CACNB2: variants seen among roughly 807,000 people sequenced by gnomAD.
The protein encoded by CACNB2 is voltage-dependent L-type calcium channel subunit beta-2.
CACNB2 carries 42 observed loss-of-function variants against 73.3 expected under a neutral mutation model. The observed-to-expected ratio is 0.57, with a 90% CI of 0.45 to 0.74. The LOEUF (loss-of-function observed/expected upper bound fraction) is 0.74. Among genes scored for constraint, CACNB2 ranks in the 30% least tolerant of loss-of-function variants. CACNB2 has a pLI of 0.00. For missense variants in CACNB2, 940 were observed against 853.0 expected, an observed-to-expected ratio of 1.10 and a Z score of -1.27; for synonymous variants, 348 against 310.3, an observed-to-expected ratio of 1.12 and a Z score of -1.28.
At chr10:18,193,302 A>G (rs2034488595) in intron 2 of CACNB2, among the ~76,000 whole-genome samples, 1 of 150,214 alleles carries the variant, frequency 6.7e-6, no homozygotes, top group South Asian at 2.1e-4. Flanking sequence ...GAATCATTAT[A>G]CATTTTCCCC....
intron 2 of CACNB2, among the ~76,000 whole-genome samples, chr10:18,277,708 A>G (rs891012373): frequency 6.6e-6 from 1 of 152,240 alleles, no homozygotes; most frequent in African/African-American, 2.4e-5. Context: ...ATCAATATTT[A>G]TTTAATGCCT....
rs372698667 is a variant in CACNB2 at position 18,514,545 on chromosome 10, A to G, written c.804+176A>G. 78 of 1,613,580 alleles carry G rather than the reference A, an allele frequency of 4.8e-5. No individual in the cohort carries two copies. Among genetic ancestry groups the G allele is most frequent in the Non-Finnish European group, 6.4e-5 (75 of 1,179,662 alleles). On this transcript the variant is annotated intron_variant, in intron 7 of 13. Coordinates refer to ENST00000324631, the MANE Select transcript of CACNB2 (RefSeq NM_201596.3). ...AGCAGAAATCGGTAAGTTTACATTGACATAAGCTGTGTTTATCCTGCCACT... is the reference window on the plus strand; with the variant it reads ...AGCAGAAATCGGTAAGTTTACATTGGCATAAGCTGTGTTTATCCTGCCACT...
intron 3 of CACNB2, among the ~76,000 whole-genome samples, chr10:18,432,458 G>C (rs866049252): frequency 0.063 from 9,459 of 148,984 alleles, 986 homozygotes; most frequent in African/African-American, 0.22. Context: ...CTCTGTGTGT[G>C]TGTGTGTGTG....
At chr10:18,365,423 G>T (rs909743322) in intron 2 of CACNB2, among the ~76,000 whole-genome samples, 1 of 152,076 alleles carries the variant, frequency 6.6e-6, no homozygotes, top group Non-Finnish European at 1.5e-5. Context: ...AAATAAAAGC[G>T]ATTTGGACTC....
At chr10:18,490,170 G>A (rs537273160) in intron 3 of CACNB2, among the ~76,000 whole-genome samples, 1 of 152,144 alleles carries the variant, frequency 6.6e-6, no homozygotes, top group Non-Finnish European at 1.5e-5. Flanking sequence ...CAAACTTGGT[G>A]TTTTTAAAGC....
chr10:18,404,578 T>G (rs1294177512), intron 3 of CACNB2, among the ~76,000 whole-genome samples: 2 of 152,198 alleles, frequency 1.3e-5, no homozygotes, highest in Non-Finnish European at 2.9e-5. Context: ...GAAGCATCTC[T>G]CAAACAGAAA....
At chr10:18,432,450 CTG>C (rs57188373) in intron 3 of CACNB2, among the ~76,000 whole-genome samples, 26,208 of 150,496 alleles carry the variant, frequency 0.17, 2,589 homozygotes, top group East Asian at 0.31. Flanking sequence ...GTGTGTGTCT[CTG>C]TGTGTGTGTG....
chr10:18,221,740 C>T (rs2035800703), intron 2 of CACNB2, among the ~76,000 whole-genome samples: 1 of 152,126 alleles, frequency 6.6e-6, no homozygotes, highest in Non-Finnish European at 1.5e-5. Flanking sequence ...TTTTAAAAGA[C>T]CTTTATAAAT....
intron 2 of CACNB2, among the ~76,000 whole-genome samples, chr10:18,174,831 A>G (rs965297819): frequency 2.0e-5 from 3 of 152,150 alleles, no homozygotes; most frequent in African/African-American, 7.2e-5. Context: ...TTTCTAGAGT[A>G]TTACCTTTAC....
chr10:18,458,630 G>A (rs1564571861), intron 3 of CACNB2, among the ~76,000 whole-genome samples: 1 of 151,906 alleles, frequency 6.6e-6, no homozygotes, highest in Non-Finnish European at 1.5e-5. Context: ...GGTCCCAAAG[G>A]ATATAAATAA....
chr10:18,447,646 C>A (rs971519255), intron 3 of CACNB2, among the ~76,000 whole-genome samples: 1 of 151,074 alleles, frequency 6.6e-6, no homozygotes, highest in East Asian at 1.9e-4. Flanking sequence ...TGATCACTGG[C>A]TTTGGAAAGA....
intron 2 of CACNB2, among the ~76,000 whole-genome samples, chr10:18,234,839 G>A (rs79988604): frequency 4.3e-4 from 66 of 152,254 alleles, no homozygotes; most frequent in African/African-American, 1.4e-3. Flanking sequence ...CCACTGAGCT[G>A]CACACTTAAA....
chr10:18,326,709 A>T (rs562780293), intron 2 of CACNB2, among the ~76,000 whole-genome samples: 1 of 152,166 alleles, frequency 6.6e-6, no homozygotes, highest in African/African-American at 2.4e-5. Context: ...ATGCTCCTTC[A>T]TGTTAATTCA....
At chr10:18,205,093 A>C (rs1422750527) in intron 2 of CACNB2, among the ~76,000 whole-genome samples, 1 of 152,164 alleles carries the variant, frequency 6.6e-6, no homozygotes, top group Non-Finnish European at 1.5e-5. Context: ...TTTTAAAAAA[A>C]AATTCTTAAG....
chr10:18,264,322 CA>C (rs1478407334), intron 2 of CACNB2, among the ~76,000 whole-genome samples: 1 of 152,188 alleles, frequency 6.6e-6, no homozygotes. Flanking sequence ...GTGTCACAAA[CA>C]ATCCAATTAT....
chr10:18,517,543 CATATT>C (rs1236729019), intron 7 of CACNB2, among the ~76,000 whole-genome samples: 3 of 152,250 alleles, frequency 2.0e-5, no homozygotes, highest in Non-Finnish European at 4.4e-5. Flanking sequence ...TTTTGAGAAT[CATATT>C]AGATATGCAC....
intron 2 of CACNB2, among the ~76,000 whole-genome samples, chr10:18,191,419 C>T (rs996651326): frequency 6.6e-6 from 1 of 152,142 alleles, no homozygotes; most frequent in African/African-American, 2.4e-5. Flanking sequence ...GATCAAAACA[C>T]CTGTACATCT....
intron 2 of CACNB2, among the ~76,000 whole-genome samples, chr10:18,205,123 A>G (rs1332188448): frequency 1.3e-5 from 2 of 152,154 alleles, no homozygotes; most frequent in African/African-American, 4.8e-5. Context: ...ATTGAATAGA[A>G]ATTTCCTGGA....
chr10:18,179,136 A>T (rs2033749981), intron 2 of CACNB2, among the ~76,000 whole-genome samples: 1 of 152,256 alleles, frequency 6.6e-6, no homozygotes, highest in East Asian at 1.9e-4. Context: ...ACTAAACACT[A>T]TAAAATAAAT....
Sources: gnomAD v4.1 joint callset for allele counts (sites outside exome capture counted in the v4.1 genomes callset) on GRCh38, gnomAD v4.1.1 for gene constraint, MANE v1.5 for transcripts, NCBI Gene and HGNC (gene_info 2026-07-23, HGNC 2026-07-21) for gene names.